The following RAD51B variants were observed in gnomAD, a reference collection of about 807,000 sequenced individuals.
RAD51B encodes the protein DNA repair protein RAD51 homolog 2.
Under a neutral mutation model 42.2 loss-of-function variants are expected in RAD51B, and 38 were observed. The ratio of observed to expected loss-of-function variants is 0.90; its 90% confidence interval spans 0.70 to 1.18. The LOEUF is 1.18. Ranked by LOEUF, RAD51B falls within the 50% of genes most tolerant of loss-of-function variation. The pLI, the probability that RAD51B is intolerant of heterozygous loss-of-function variation, is 0.00. For missense variants in RAD51B, 373 were observed against 400.7 expected, an observed-to-expected ratio of 0.93 and a Z score of 0.59; for synonymous variants, 154 against 145.2, an observed-to-expected ratio of 1.06 and a Z score of -0.43.
intron 10 of RAD51B, among the ~76,000 whole-genome samples, chr14:68,516,442 C>A (rs916418154): frequency 6.6e-6 from 1 of 152,216 alleles, no homozygotes; most frequent in Non-Finnish European, 1.5e-5. Context: ...ATTCTCATAT[C>A]GGCTTCTGCA....
At chr14:68,250,999 T>G (rs1365473858) in intron 7 of RAD51B, among the ~76,000 whole-genome samples, 2 of 152,198 alleles carry the variant, frequency 1.3e-5, no homozygotes, top group African/African-American at 4.8e-5. Flanking sequence ...AGCTCTTCAG[T>G]GCAGCCTCAT....
chr14:68,597,309 C>T (rs1455903625), downstream of RAD51B, among the ~76,000 whole-genome samples: 1 of 152,152 alleles, frequency 6.6e-6, no homozygotes, highest in African/African-American at 2.4e-5. Flanking sequence ...TGTTTACTGT[C>T]ATCCACTCCT....
At chr14:68,234,684 T>C (rs77867107) in intron 7 of RAD51B, among the ~76,000 whole-genome samples, 4,991 of 152,258 alleles carry the variant, frequency 0.033, 274 homozygotes, top group African/African-American at 0.11. Flanking sequence ...TCTATGAGGG[T>C]ACTTACCATG....
chr14:68,380,891 T>C (rs933577700), intron 8 of RAD51B, among the ~76,000 whole-genome samples: 4 of 152,182 alleles, frequency 2.6e-5, no homozygotes, highest in Non-Finnish European at 4.4e-5. Flanking sequence ...ATGACTTCAG[T>C]CTTGTAAAAA....
intron 9 of RAD51B, among the ~76,000 whole-genome samples, chr14:68,465,951 A>AAAAAATAAAAATAAAT (rs368641918): frequency 2.5e-4 from 23 of 90,456 alleles, no homozygotes; most frequent in African/African-American, 6.9e-4. Context: ...AAAAAAAAAA[A>AAAAAATAAAAATAAAT]AAATAAATAA....
intron 7 of RAD51B, among the ~76,000 whole-genome samples, chr14:67,923,343 A>G (rs991757909): frequency 7.7e-6 from 1 of 129,266 alleles, no homozygotes; most frequent in Non-Finnish European, 1.6e-5. Flanking sequence ...CTTGTTGCCC[A>G]GGCTGGAATG....
chr14:68,293,328 T>C (rs1366983385), intron 8 of RAD51B, among the ~76,000 whole-genome samples: 1 of 152,204 alleles, frequency 6.6e-6, no homozygotes, highest in African/African-American at 2.4e-5. Context: ...ATTTGGGATT[T>C]GTTAGCTTGA....
chr14:68,352,835 T>C (rs769533636), intron 8 of RAD51B, among the ~76,000 whole-genome samples: 25 of 152,200 alleles, frequency 1.6e-4, no homozygotes, highest in Non-Finnish European at 3.2e-4. Context: ...TTCTTATCTT[T>C]TCTGAGGACC....
rs574689128 is a variant in RAD51B, at chr14:68,677,365, C to T, written c.*11+26509C>T. Among the ~76,000 whole-genome samples, 66 of 152,308 alleles carry T rather than the reference C, an allele frequency of 4.3e-4. 1 individual carries two copies. Among genetic ancestry groups the T allele is most frequent in the Admixed American group, 3.7e-3 (56 of 15,310 alleles). ...GCACCCTGCTATTGCACTGCTGCTC[C>T]GGCCCGGGCCTCTTCACATTGGACA... On this transcript the variant is annotated intron_variant, in intron 11 of 11. Transcript: ENST00000488612.
At chr14:68,572,871 C>T (rs8009944) in intron 10 of RAD51B, among the ~76,000 whole-genome samples, 2 of 151,958 alleles carry the variant, frequency 1.3e-5, no homozygotes, top group African/African-American at 4.8e-5. Context: ...TACATGTTTT[C>T]GCTCATTTAA....
At position 68,433,445 on chromosome 14, in the gene RAD51B, T is replaced by C. The variant is rs555527717; in HGVS notation, c.957+21918T>C. Among the ~76,000 whole-genome samples, 10 of 152,278 alleles carry C rather than the reference T, an allele frequency of 6.6e-5. No homozygotes were observed. The South Asian group carries it at 1.9e-3, about 28-fold the overall frequency. ...ATATTTCTTGGAGGCTTTGTTCATTTCTTTTTATTCTTTTTTCTCTAAACT... is the reference window on the plus strand; with the variant it reads ...ATATTTCTTGGAGGCTTTGTTCATTCCTTTTTATTCTTTTTTCTCTAAACT... On this transcript the variant is annotated intron_variant, in intron 9 of 10. Transcript: ENST00000471583.
At chr14:68,098,622 A>ATTT (rs1158467692) in intron 7 of RAD51B, among the ~76,000 whole-genome samples, 1 of 152,170 alleles carries the variant, frequency 6.6e-6, no homozygotes, top group African/African-American at 2.4e-5. Context: ...CGTGAGACTT[A>ATTT]TTCACTACCA....
At chr14:67,991,056 A>T (rs1034719484) in intron 7 of RAD51B, among the ~76,000 whole-genome samples, 3 of 152,190 alleles carry the variant, frequency 2.0e-5, no homozygotes, top group African/African-American at 7.2e-5. Flanking sequence ...TTATTGCTTT[A>T]AAAAAACATG....
chr14:68,372,441 G>A (rs1251013847), intron 8 of RAD51B, among the ~76,000 whole-genome samples: 2 of 152,122 alleles, frequency 1.3e-5, no homozygotes, highest in Non-Finnish European at 2.9e-5. Flanking sequence ...AGTAATGCTG[G>A]AGAGGAAAGG....
At chr14:67,956,455 C>T (rs938736626) in intron 7 of RAD51B, among the ~76,000 whole-genome samples, 1 of 152,110 alleles carries the variant, frequency 6.6e-6, no homozygotes, top group Non-Finnish European at 1.5e-5. Context: ...CAATGTACCC[C>T]AGCCTGGGCG....
At chr14:67,848,257 T>C (rs1859058691) in intron 4 of RAD51B, among the ~76,000 whole-genome samples, 1 of 152,196 alleles carries the variant, frequency 6.6e-6, no homozygotes, top group Non-Finnish European at 1.5e-5. Context: ...GACCTCATGA[T>C]CTCCCTGCTT....
In RAD51B at chr14:68,294,948, G is replaced by C. The variant is rs1314880965; in HGVS notation, c.853+2968G>C. Among the ~76,000 whole-genome samples, 7 of 152,296 alleles carry C rather than the reference G, an allele frequency of 4.6e-5. 1 individual carries two copies. The East Asian group carries it at 5.8e-4, about 13-fold the overall frequency. ...CAAAATCAGAAGTGTGTGCAAACCA[G>C]TGAGAATGAGAAACACACTGGGATG... On this transcript the variant is annotated intron_variant, in intron 8 of 10. Coordinates refer to ENST00000471583, the MANE Select transcript of RAD51B (RefSeq NM_133510.4).
Position 68,655,318 on chromosome 14 carries a change from G to C in RAD51B, c.*11+4462G>C, listed in dbSNP as rs77995737. On this transcript the variant is annotated intron_variant, in intron 11 of 11. Transcript: ENST00000488612. ...GCCTGAGCAGGTTCACAGCTGCTCA[G>C]GGTTATACTTTCCAGCACATTTAGG... Among the ~76,000 whole-genome samples, 1,293 of 152,248 alleles carry C rather than the reference G, an allele frequency of 8.5e-3. 20 individuals carry two copies. Among genetic ancestry groups the C allele is most frequent in the African/African-American group, 0.029 (1,219 of 41,526 alleles).
Position 68,682,955 on chromosome 14 carries a change from T to C in RAD51B, c.*11+32099T>C. On this transcript the variant is annotated intron_variant, in intron 11 of 11. Transcript: ENST00000488612. ...TGTATAGGGCAGTAAACAAGAGCTC[T>C]GAAAGGGGAAGGAAGCCAGGAGAAA... is the stretch of plus-strand genomic sequence containing the variant. 5 of 952,804 alleles carry C rather than the reference T, an allele frequency of 5.2e-6. 1 individual carries two copies. The highest frequency in any genetic ancestry group is 6.2e-6 in the Non-Finnish European group (5 of 811,106). 59.0% of individuals were successfully genotyped at this position (952,804 alleles called of 1,614,324 possible).
Sources: allele counts gnomAD v4.1 joint callset (sites outside exome capture counted in the v4.1 genomes callset), GRCh38; gene constraint gnomAD v4.1.1; transcripts MANE v1.5; gene names NCBI Gene and HGNC (gene_info 2026-07-23, HGNC 2026-07-21).